KCNQ1: variants seen among roughly 807,000 people sequenced by gnomAD.
The protein encoded by KCNQ1 is potassium voltage-gated channel subfamily Q member 1.
KCNQ1 carries 49 observed loss-of-function variants against 72.4 expected under a neutral mutation model. The observed-to-expected ratio is 0.68, with a 90% CI of 0.54 to 0.86. The LOEUF is 0.86. Among genes scored for constraint, KCNQ1 ranks in the 40% least tolerant of loss-of-function variants. KCNQ1 has a pLI of 0.00. For missense variants in KCNQ1, 790 were observed against 945.1 expected, an observed-to-expected ratio of 0.84 and a Z score of 2.15; for synonymous variants, 450 against 412.6, an observed-to-expected ratio of 1.09 and a Z score of -1.10.
chr11:2,821,705 T>A (rs1366962152), intron 15 of KCNQ1, among the ~76,000 whole-genome samples: 1 of 152,166 alleles, frequency 6.6e-6, no homozygotes, highest in Non-Finnish European at 1.5e-5. Flanking sequence ...GCTCACCTTG[T>A]TCCCTGTGCC....
At chr11:2,505,193 ATT>A (rs1847083056) in intron 1 of KCNQ1, among the ~76,000 whole-genome samples, 1 of 151,962 alleles carries the variant, frequency 6.6e-6, no homozygotes, top group Admixed American at 6.5e-5. Context: ...TGCATTAACT[ATT>A]TATTCTGATG....
chr11:2,813,642 G>A lies in KCNQ1; in HGVS notation c.1795-34125G>A, dbSNP rs566595093. On this transcript the variant is annotated intron_variant, in intron 15 of 15. Transcript: ENST00000155840. The surrounding 1 kb of genome is among the most constrained non-coding windows in gnomAD (Gnocchi z 4.4). ...GAACAGAGGGGAGGACCAACATCTCGGCTGATCCTGGTCTATTTTTAGTCG... is the reference window on the plus strand; with the variant it reads ...GAACAGAGGGGAGGACCAACATCTCAGCTGATCCTGGTCTATTTTTAGTCG... Among the ~76,000 whole-genome samples the A allele has an allele frequency of 5.3e-5, 8 of 152,176 alleles. No individual in the cohort carries two copies. The highest frequency in any genetic ancestry group is 5.2e-4 in the Admixed American group (8 of 15,284).
intron 11 of KCNQ1, chr11:2,680,589 C>A: frequency 2.5e-6 from 1 of 398,442 alleles, no homozygotes. Context: ...TACCTAGTCT[C>A]CCCCGATAGT....
rs1056224234 is a variant in KCNQ1 at position 2,735,233 on chromosome 11, G to A, written c.1515-33611G>A. Among the ~76,000 whole-genome samples the A allele has an allele frequency of 1.3e-5, 2 of 152,168 alleles. No homozygotes were observed. The highest frequency in any genetic ancestry group is 6.5e-5 in the Admixed American group (1 of 15,290). On this transcript the variant is annotated intron_variant, in intron 11 of 15. Transcript: ENST00000155840. This position sits in a 1 kb window ranked among gnomAD's most constrained non-coding sequence, Gnocchi z 7.7. ...TCTCCTTGATGGTGACCCCCTATGA[G>A]ACGCCACTTGCCCTGAGGCCCTGGG... is the stretch of plus-strand genomic sequence containing the variant.
intron 10 of KCNQ1, chr11:2,629,697 A>G (rs1008872554): frequency 2.5e-6 from 1 of 398,450 alleles, no homozygotes; most frequent in Non-Finnish European, 4.4e-6. Context: ...TTTAAATGAA[A>G]TTGTTTTCTT....
At chr11:2,660,899 A>T in intron 10 of KCNQ1, 1 of 398,660 alleles carries the variant, frequency 2.5e-6, no homozygotes. Flanking sequence ...CTGAATAATT[A>T]AGCAGCTTAA....
At chr11:2,791,465 C>T (rs146857691) in intron 15 of KCNQ1, among the ~76,000 whole-genome samples, 121 of 152,320 alleles carry the variant, frequency 7.9e-4, no homozygotes, top group African/African-American at 2.7e-3. Context: ...GCACAGCCTG[C>T]CCCCAGCCGG....
chr11:2,740,774 C>T lies in KCNQ1; in HGVS notation c.1515-28070C>T, dbSNP rs536461720. On this transcript the variant is annotated intron_variant, in intron 11 of 15. Coordinates refer to ENST00000155840, the MANE Select transcript of KCNQ1 (RefSeq NM_000218.3). ...CCTCCTTCACCCTCAAAGGCGGCTGCGGCTCATGGCATCCTCACATCACAG... is the reference window on the plus strand; with the variant it reads ...CCTCCTTCACCCTCAAAGGCGGCTGTGGCTCATGGCATCCTCACATCACAG... 5.3e-5 allele frequency among the ~76,000 whole-genome samples: 8 copies of T among 152,342 alleles called. No homozygotes were observed. The South Asian group carries it at 1.0e-3, about 20-fold the overall frequency.
chr11:2,675,090 C>A, intron 11 of KCNQ1: 1 of 398,622 alleles, frequency 2.5e-6, no homozygotes, highest in Non-Finnish European at 4.4e-6. Flanking sequence ...GTGGGCATGT[C>A]CTGAGTGGAC....
intron 10 of KCNQ1, chr11:2,618,761 T>G (rs1022788121): frequency 2.5e-6 from 1 of 398,380 alleles, no homozygotes; most frequent in Non-Finnish European, 4.4e-6. Context: ...TCAATCTGTA[T>G]ATTGATTTGG....
chr11:2,631,730 T>C, intron 10 of KCNQ1: 1 of 398,612 alleles, frequency 2.5e-6, no homozygotes, highest in South Asian at 1.3e-4. Flanking sequence ...CAGATGAGGA[T>C]ATAATGGAAT....
At position 2,645,739 on chromosome 11, in the gene KCNQ1, G is replaced by A; in HGVS notation, c.1394-16222G>A. The stretch of plus-strand genomic sequence containing the variant: ...CCAGCTTTGTGTAAGGGATGTCCAT[G>A]GGGCTCCAGGGATGAGATAGAGGGA... On this transcript the variant is annotated intron_variant, in intron 10 of 15. Transcript: ENST00000155840. The surrounding 1 kb of genome is among the most constrained non-coding windows in gnomAD (Gnocchi z 5.8). The A allele has an allele frequency of 5.0e-6, 2 of 398,856 alleles. No homozygotes were observed. Among genetic ancestry groups the A allele is most frequent in the Admixed American group, 4.4e-5 (1 of 22,744 alleles). The allele number at this position is 398,856 out of a possible 1,614,324, so 24.7% of individuals were successfully genotyped here. A position where few individuals can be genotyped will look rare whatever the true frequency, so the allele number is the denominator to read the frequency against.
At chr11:2,576,503 C>T (rs902224591) in intron 6 of KCNQ1, among the ~76,000 whole-genome samples, 2 of 152,358 alleles carry the variant, frequency 1.3e-5, no homozygotes, top group East Asian at 1.9e-4. Context: ...GGGGTCTCTA[C>T]AAACAGGAGG....
intron 15 of KCNQ1, among the ~76,000 whole-genome samples, chr11:2,833,134 C>T (rs1339829725): frequency 1.3e-5 from 2 of 152,146 alleles, no homozygotes; most frequent in Admixed American, 1.3e-4. Context: ...TGTGGGAGAA[C>T]ATGCTGGGTA....
Position 2,593,597 on chromosome 11 carries a change from G to A in KCNQ1, c.1393+4743G>A, listed in dbSNP as rs1330348836. Among the ~76,000 whole-genome samples the A allele has an allele frequency of 6.6e-6, 1 of 152,196 alleles. No homozygotes were observed. The highest frequency in any genetic ancestry group is 1.5e-5 in the Non-Finnish European group (1 of 68,040). On this transcript the variant is annotated intron_variant, in intron 10 of 15. Transcript: ENST00000155840. This position sits in a 1 kb window ranked among gnomAD's most constrained non-coding sequence, Gnocchi z 6.9. ...TGTGAAGTGGGGCAGCGTGCTGGAG[G>A]AGCATGCATCACATACCCAGAGGTC...
Position 2,781,336 on chromosome 11 carries a change from G to A in KCNQ1, c.1794+3299G>A, listed in dbSNP as rs2133996683. ...CCCAAGGAGGACACAGACAGGGGTGGGAGATGAGGTAGAGAGAGCAAGGAG... is the reference window on the plus strand; with the variant it reads ...CCCAAGGAGGACACAGACAGGGGTGAGAGATGAGGTAGAGAGAGCAAGGAG... On this transcript the variant is annotated intron_variant, in intron 15 of 15. Coordinates refer to ENST00000155840, the MANE Select transcript of KCNQ1 (RefSeq NM_000218.3). The surrounding 1 kb of genome is among the most constrained non-coding windows in gnomAD (Gnocchi z 6.6). Among the ~76,000 whole-genome samples, 1 of 152,308 alleles carries A rather than the reference G, an allele frequency of 6.6e-6. No homozygotes were observed. Among genetic ancestry groups the A allele is most frequent in the Non-Finnish European group, 1.5e-5 (1 of 68,034 alleles).
intron 11 of KCNQ1, among the ~76,000 whole-genome samples, chr11:2,717,939 G>A (rs1410414986): frequency 6.6e-6 from 1 of 152,226 alleles, no homozygotes; most frequent in Admixed American, 6.5e-5. Flanking sequence ...CCGTGGTCAT[G>A]GAGTAAAGAC....
At chr11:2,528,508 TGA>T (rs1491430010) in intron 2 of KCNQ1, among the ~76,000 whole-genome samples, 1 of 152,186 alleles carries the variant, frequency 6.6e-6, no homozygotes, top group Non-Finnish European at 1.5e-5. Flanking sequence ...AGGCAGGTGC[TGA>T]GAGCAGGGCA....
In KCNQ1 at chr11:2,626,113, C is replaced by T; in HGVS notation, c.1394-35848C>T. 7.5e-6 allele frequency: 3 copies of T among 398,536 alleles called. No homozygotes were observed. Among genetic ancestry groups the T allele is most frequent in the Non-Finnish European group, 1.3e-5 (3 of 226,062 alleles). The allele number at this position is 398,536 out of a possible 1,614,324, so 24.7% of individuals were successfully genotyped here. A position where few individuals can be genotyped will look rare whatever the true frequency, so the allele number is the denominator to read the frequency against. ...CTATTTTTACTTTTATTGCCTGTGC[C>T]TTTGGTGTCGCATACAAGAAGCACT... On this transcript the variant is annotated intron_variant, in intron 10 of 15. Transcript: ENST00000155840. The surrounding 1 kb of genome is among the most constrained non-coding windows in gnomAD (Gnocchi z 4.0).
Sources: allele counts gnomAD v4.1 joint callset (sites outside exome capture counted in the v4.1 genomes callset), GRCh38; gene constraint gnomAD v4.1.1; non-coding constraint Gnocchi (gnomAD v3.1); transcripts MANE v1.5; gene names NCBI Gene and HGNC (gene_info 2026-07-23, HGNC 2026-07-21).